Variants in NAA50 observed in about 807,000 individuals in gnomAD.
NAA50 encodes N-alpha-acetyltransferase 50, NatE catalytic subunit, also known as N-alpha-acetyltransferase 50.
NAA50 carries 7 observed loss-of-function variants against 20.7 expected under a neutral mutation model. That is an observed-to-expected ratio of 0.34 (90% confidence interval 0.19 to 0.63). The LOEUF (loss-of-function observed/expected upper bound fraction) is 0.63. Ranked by LOEUF, NAA50 falls within the 30% of genes least tolerant of loss-of-function variation. The pLI, the probability that NAA50 is intolerant of heterozygous loss-of-function variation, is 0.75. For synonymous variants in NAA50, 54 were observed against 70.6 expected, an observed-to-expected ratio of 0.77 and a Z score of 1.18; for missense variants, 111 against 199.1, an observed-to-expected ratio of 0.56 and a Z score of 2.66.
chr3:113,739,860 G>A (rs936372568), intron 1 of NAA50, among the ~76,000 whole-genome samples: 3 of 152,142 alleles, frequency 2.0e-5, no homozygotes, highest in African/African-American at 2.4e-5. Context: ...GCACAGGACC[G>A]TCCAACAGAT....
chr3:113,737,536 T>G (rs1046115111), intron 1 of NAA50, among the ~76,000 whole-genome samples: 9 of 152,222 alleles, frequency 5.9e-5, no homozygotes, highest in Non-Finnish European at 8.8e-5. Flanking sequence ...AAGGCACCTC[T>G]GCCCTGCTAC....
chr3:113,743,461 GCACTGTGGTA>G (rs1450172333), intron 1 of NAA50, among the ~76,000 whole-genome samples: 11 of 152,134 alleles, frequency 7.2e-5, no homozygotes. Context: ...ACCACACTGT[GCACTGTGGTA>G]CAAGTTTTGG....
rs1482867457 is a variant in NAA50, at chr3:113,717,352, A to G, written c.*4408T>C. ...CTGTCTCCAAAACAAAAACAAAAAC[A>G]TTTTACCTAAGAAATCAAGTATCTT... On this transcript the variant is annotated 3_prime_UTR_variant, in exon 5 of 5. Transcript: ENST00000240922. The G allele has an allele frequency of 6.6e-6, 1 of 152,130 alleles. No homozygotes were observed. The highest frequency in any genetic ancestry group is 1.5e-5 in the Non-Finnish European group (1 of 68,030). The allele number at this position is 152,130 out of a possible 1,614,324, so 9.4% of individuals were successfully genotyped here.
Position 113,718,497 on chromosome 3 carries a change from TAAC to T in NAA50, c.*3260_*3262del. On this transcript the variant is annotated 3_prime_UTR_variant, in exon 5 of 5. Transcript: ENST00000240922. ...AATGAAAAAAGCAAAAATCTAATTA[TAAC>T]AATTTTGACTAGAAATATTAAATAC... 1 of 152,330 alleles carries T rather than the reference TAAC, an allele frequency of 6.6e-6. No individual in the cohort carries two copies. The highest frequency in any genetic ancestry group is 3.4e-3 in the Middle Eastern group (1 of 294). 9.4% of individuals were successfully genotyped at this position (152,330 alleles called of 1,614,324 possible).
At chr3:113,741,619 T>C (rs1372523371) in intron 1 of NAA50, among the ~76,000 whole-genome samples, 1 of 152,210 alleles carries the variant, frequency 6.6e-6, no homozygotes, top group Non-Finnish European at 1.5e-5. Context: ...TGTGCAATAA[T>C]ATTCACACAA....
intron 1 of NAA50, among the ~76,000 whole-genome samples, chr3:113,728,832 A>C (rs1189823157): frequency 6.6e-6 from 1 of 152,186 alleles, no homozygotes; most frequent in Non-Finnish European, 1.5e-5. Context: ...ACATACTGCA[A>C]ACAATTTCAA....
At chr3:113,745,915 G>C (rs111280058) in intron 1 of NAA50, 27 bp downstream of exon 1, 4 of 1,601,112 alleles carry the variant, frequency 2.5e-6, no homozygotes, top group East Asian at 2.3e-5. Context: ...CCCACCGGCC[G>C]GGCCCTGCCC....
At chr3:113,733,987 T>C (rs1708305960) in intron 1 of NAA50, among the ~76,000 whole-genome samples, 1 of 151,354 alleles carries the variant, frequency 6.6e-6, no homozygotes, top group Non-Finnish European at 1.5e-5. Context: ...AAGGGAAAAG[T>C]ATAGGTCAAA....
At chr3:113,740,447 G>A (rs1708399252) in intron 1 of NAA50, among the ~76,000 whole-genome samples, 1 of 152,182 alleles carries the variant, frequency 6.6e-6, no homozygotes, top group Non-Finnish European at 1.5e-5. Context: ...ATGCAGTGCA[G>A]CTTCAACCTC....
At chr3:113,743,458 T>C (rs1359479750) in intron 1 of NAA50, among the ~76,000 whole-genome samples, 1 of 152,218 alleles carries the variant, frequency 6.6e-6, no homozygotes, top group African/African-American at 2.4e-5. Context: ...TCGACCACAC[T>C]GTGCACTGTG....
intron 2 of NAA50, 114 bp downstream of exon 2, chr3:113,723,845 C>G: frequency 8.3e-7 from 1 of 1,207,432 alleles, no homozygotes; most frequent in Non-Finnish European, 1.1e-6. Flanking sequence ...CCCATTTCCT[C>G]ACTTATAAAA....
At chr3:113,730,305 G>T (rs746115433) in intron 1 of NAA50, among the ~76,000 whole-genome samples, 2 of 152,110 alleles carry the variant, frequency 1.3e-5, no homozygotes, top group Middle Eastern at 3.4e-3. Context: ...TTCAAAAAAA[G>T]ATTTAATGTA....
rs971168140 is a variant in NAA50 at position 113,719,532 on chromosome 3, T to TCTC, written c.*2225_*2227dup. 1.3e-5 allele frequency: 2 copies of TCTC among 152,668 alleles called. No individual in the cohort carries two copies. The highest frequency in any genetic ancestry group is 4.1e-4 in the South Asian group (2 of 4,828). 9.5% of individuals were successfully genotyped at this position (152,668 alleles called of 1,614,324 possible). On this transcript the variant is annotated 3_prime_UTR_variant, in exon 5 of 5. Coordinates refer to ENST00000240922, the MANE Select transcript of NAA50 (RefSeq NM_025146.4). ...GCCCAGCTTTTTACCTCTTCCACATTCTCCTCCTCCTCCATAAGTGGATGG... is the reference window on the plus strand; with the variant it reads ...GCCCAGCTTTTTACCTCTTCCACATTCTCCTCCTCCTCCTCCATAAGTGGATGG...
At position 113,717,997 on chromosome 3, in the gene NAA50, T is replaced by C. The variant is rs1350869322; in HGVS notation, c.*3763A>G. On this transcript the variant is annotated 3_prime_UTR_variant, in exon 5 of 5. Transcript: ENST00000240922. Reference sequence around the variant, plus strand: ...ATCCTTGTGCAGTCCCCTCCCACACTATACCAAGCTGATTCAATGGTTGGT... The same window carrying C: ...ATCCTTGTGCAGTCCCCTCCCACACCATACCAAGCTGATTCAATGGTTGGT... The C allele has an allele frequency of 1.3e-5, 2 of 152,254 alleles. No homozygotes were observed. Among genetic ancestry groups the C allele is most frequent in the Admixed American group, 1.3e-4 (2 of 15,272 alleles). The allele number at this position is 152,254 out of a possible 1,614,324, so 9.4% of individuals were successfully genotyped here. A position where few individuals can be genotyped will look rare whatever the true frequency, so the allele number is the denominator to read the frequency against.
intron 1 of NAA50, among the ~76,000 whole-genome samples, chr3:113,734,513 T>C (rs1277767563): frequency 6.6e-6 from 1 of 152,232 alleles, no homozygotes; most frequent in Admixed American, 6.5e-5. Flanking sequence ...TTACTCATTA[T>C]ATAAGGTACA....
chr3:113,725,084 T>C (rs925562176), intron 1 of NAA50, among the ~76,000 whole-genome samples: 1 of 152,202 alleles, frequency 6.6e-6, no homozygotes, highest in Non-Finnish European at 1.5e-5. Flanking sequence ...ATCAAAACAA[T>C]TGGGTCCATG....
intron 1 of NAA50, among the ~76,000 whole-genome samples, chr3:113,725,870 C>CT (rs1424445897): frequency 1.3e-5 from 2 of 152,146 alleles, no homozygotes; most frequent in Non-Finnish European, 2.9e-5. Context: ...ACAAAGTTCT[C>CT]TAAGATGTAT....
chr3:113,730,235 G>A (rs1275795663), intron 1 of NAA50, among the ~76,000 whole-genome samples: 2 of 151,620 alleles, frequency 1.3e-5, no homozygotes, highest in African/African-American at 4.8e-5. Flanking sequence ...CAAGGGCAGA[G>A]GTTGCAGTGA....
chr3:113,742,923 T>C (rs1458462592), intron 1 of NAA50, among the ~76,000 whole-genome samples: 1 of 152,224 alleles, frequency 6.6e-6, no homozygotes, highest in East Asian at 1.9e-4. Flanking sequence ...CATGGTTATC[T>C]GTGGCATACC....
Sources: gnomAD v4.1 joint callset for allele counts (sites outside exome capture counted in the v4.1 genomes callset) on GRCh38, gnomAD v4.1.1 for gene constraint, MANE v1.5 for transcripts, NCBI Gene and HGNC (gene_info 2026-07-23, HGNC 2026-07-21) for gene names.